Variants in AGBL2 observed in about 807,000 individuals in gnomAD.
AGBL2 encodes AGBL carboxypeptidase 2.
In AGBL2, 87 loss-of-function variants were observed where a neutral mutation model predicts 103.0. That is an observed-to-expected ratio of 0.84 (90% CI 0.71 to 1.01). The LOEUF is 1.01. AGBL2 is among the 50% of genes least tolerant of loss of function. The probability of loss-of-function intolerance (pLI) is 0.00; values close to 1 mark genes in which losing one functional copy is unlikely to be tolerated. For synonymous variants in AGBL2, 335 were observed against 356.7 expected, an observed-to-expected ratio of 0.94 and a Z score of 0.69; for missense variants, 904 against 1,023.5, an observed-to-expected ratio of 0.88 and a Z score of 1.59.
intron 10 of AGBL2, among the ~76,000 whole-genome samples, chr11:47,686,809 A>G (rs1018152258): frequency 6.6e-6 from 1 of 151,786 alleles, no homozygotes; most frequent in Non-Finnish European, 1.5e-5. Context: ...AAAATACAAA[A>G]TTAGCTAGGT....
intron 7 of AGBL2, among the ~76,000 whole-genome samples, chr11:47,701,155 A>T (rs976574840): frequency 8.6e-5 from 13 of 151,964 alleles, no homozygotes; most frequent in Admixed American, 2.6e-4. Flanking sequence ...ACATTTTTTT[A>T]AAAATTGCTT....
chr11:47,674,146 T>G (rs2097366461), intron 14 of AGBL2, among the ~76,000 whole-genome samples: 1 of 151,806 alleles, frequency 6.6e-6, no homozygotes, highest in Admixed American at 6.6e-5. Context: ...TGATACAGAA[T>G]GACAGAGGCA....
At position 47,690,307 on chromosome 11, in the gene AGBL2, T is replaced by C. The variant is rs895653631; in HGVS notation, c.1400A>G (p.Asn467Ser). Residue 467 changes from asparagine (N) to serine (S), a missense_variant, in exon 10 of 19, where the codon AAT becomes AGT. Transcript: ENST00000525123. ...LSARVHPGESNGSWVMKGFLD... is the reference protein window; with the variant it reads ...LSARVHPGESSGSWVMKGFLD... ...AAAGCCTTTCATAACCCAGGAGCCA[T>C]TACTTTCTCCAGGGTGAACTCTGGC... The C allele has an allele frequency of 1.1e-5, 18 of 1,613,708 alleles. No homozygotes were observed. The highest frequency in any genetic ancestry group is 1.5e-5 in the Non-Finnish European group (18 of 1,179,878).
intron 3 of AGBL2, among the ~76,000 whole-genome samples, chr11:47,711,879 C>A (rs1441231990): frequency 6.6e-6 from 1 of 152,086 alleles, no homozygotes; most frequent in Non-Finnish European, 1.5e-5. Context: ...TGTATGATGA[C>A]CAGCCTGAGC....
At chr11:47,696,842 T>A (rs1396206889) in intron 8 of AGBL2, among the ~76,000 whole-genome samples, 1 of 152,164 alleles carries the variant, frequency 6.6e-6, no homozygotes, top group Non-Finnish European at 1.5e-5. Context: ...TGTTTCAATT[T>A]TGTTGATGTT....
Position 47,704,579 on chromosome 11 carries a change from C to G in AGBL2, c.550G>C (p.Glu184Gln). The G allele has an allele frequency of 6.2e-7, 1 of 1,613,532 alleles. No homozygotes were observed. Among genetic ancestry groups the G allele is most frequent in the Non-Finnish European group, 8.5e-7 (1 of 1,179,812 alleles). Reference protein sequence around the residue: ...RPLQAPRWPIECEVIKENIHH... With the variant: ...RPLQAPRWPIQCEVIKENIHH... ...ATGTTTTCCTTGATGACCTCACATT[C>G]AATTGGCCATCTTGGAGCCTGCAGT... The change falls in exon 7 of 19, where the codon GAA becomes CAA. Residue 184 changes from glutamate to glutamine, a missense_variant. Physicochemically the swap from Glu to Gln is conservative, Grantham distance 29. Transcript: ENST00000525123.
Position 47,714,643 on chromosome 11 carries a change from G to C in AGBL2, c.8C>G (p.Pro3Arg). The change falls in exon 2 of 19, where the codon CCA becomes CGA. Residue 3 changes from proline to arginine, a missense_variant. By Grantham distance (103) the Pro-to-Arg change is moderately radical. Transcript: ENST00000525123. Reference sequence around the variant, plus strand: ...CTGCTTTAGGTGCGTTTCCAAAGCTGGGAACATGTTACTTCTGGATGGTAG... The same window carrying C: ...CTGCTTTAGGTGCGTTTCCAAAGCTCGGAACATGTTACTTCTGGATGGTAG... MFPALETHLKQTI... is the reference protein window; with the variant it reads MFRALETHLKQTI... The C allele has an allele frequency of 6.2e-7, 1 of 1,613,856 alleles. No individual in the cohort carries two copies. Among genetic ancestry groups the C allele is most frequent in the Non-Finnish European group, 8.5e-7 (1 of 1,179,990 alleles).
chr11:47,693,128 TTTC>T (rs1367498981), intron 8 of AGBL2, among the ~76,000 whole-genome samples: 1 of 151,872 alleles, frequency 6.6e-6, no homozygotes, highest in Non-Finnish European at 1.5e-5. Flanking sequence ...CAGATACCTG[TTTC>T]TTTCTTTCTT....
chr11:47,660,215 G>A lies in AGBL2; in HGVS notation c.2667C>T (p.Ala889=). ...TGTGCAAGGATGGGTATGCCGCCAT[G>A]GCAGCACAGCCTCTCTTTGTGGCAG... ...RYPATKRGCA[A]MAAYPSLHIY... is the part of the protein sequence containing the mutation. Residue 889 remains alanine, a synonymous_variant, in exon 19 of 19, where the codon GCC becomes GCT. Coordinates refer to ENST00000525123, the MANE Select transcript of AGBL2 (RefSeq NM_024783.4). 6.2e-7 allele frequency: 1 copy of A among 1,614,210 alleles called. No homozygotes were observed. The highest frequency in any genetic ancestry group is 8.5e-7 in the Non-Finnish European group (1 of 1,180,042).
chr11:47,705,200 A>G (rs1279029131), intron 6 of AGBL2: 2 of 153,210 alleles, frequency 1.3e-5, no homozygotes, highest in Admixed American at 1.3e-4. Context: ...GGGCCATAAT[A>G]TAACCATACA....
At position 47,714,606 on chromosome 11, in the gene AGBL2, T is replaced by C. The variant is rs1180318119; in HGVS notation, c.33+12A>G. 3 of 1,613,664 alleles carry C rather than the reference T, an allele frequency of 1.9e-6. No individual in the cohort carries two copies. Among genetic ancestry groups the C allele is most frequent in the Non-Finnish European group, 2.5e-6 (3 of 1,179,876 alleles). On this transcript the variant is annotated intron_variant, in intron 2 of 18. Coordinates refer to ENST00000525123, the MANE Select transcript of AGBL2 (RefSeq NM_024783.4). ...GAAGAAATTTCTGTGGCTTTCCGTG[T>C]TGTGTACCGACCTGCTTTAGGTGCG...
At chr11:47,669,992 G>A (rs1243619000) in intron 14 of AGBL2, among the ~76,000 whole-genome samples, 2 of 152,226 alleles carry the variant, frequency 1.3e-5, no homozygotes, top group South Asian at 2.1e-4. Context: ...CTAGGCACAG[G>A]GAACACAGAT....
At chr11:47,662,312 T>C (rs867015293) in intron 18 of AGBL2, among the ~76,000 whole-genome samples, 4 of 151,384 alleles carry the variant, frequency 2.6e-5, no homozygotes, top group African/African-American at 9.7e-5. Context: ...TAGCTGGGGT[T>C]ATAAGCATGC....
chr11:47,691,539 C>T (rs28506150), intron 9 of AGBL2, among the ~76,000 whole-genome samples: 28 of 146,892 alleles, frequency 1.9e-4, no homozygotes, highest in Admixed American at 7.7e-4. Flanking sequence ...AATCCCGTCT[C>T]TACTAAAAAT....
At chr11:47,704,482 CAAAAAAAA>C (rs571226870) in intron 7 of AGBL2, 53 bp downstream of exon 7, 1 of 933,330 alleles carries the variant, frequency 1.1e-6, no homozygotes, top group Non-Finnish European at 1.4e-6. Context: ...GACTTCGTCT[CAAAAAAAA>C]AAAAAAAAAA....
intron 10 of AGBL2, among the ~76,000 whole-genome samples, chr11:47,686,773 C>T: frequency 6.6e-6 from 1 of 151,568 alleles, no homozygotes; most frequent in East Asian, 1.9e-4. Flanking sequence ...CCAGCCTGAC[C>T]AACCTGGTGA....
intron 17 of AGBL2, among the ~76,000 whole-genome samples, chr11:47,664,876 C>CTT (rs1254676250): frequency 1.5e-5 from 2 of 134,482 alleles, no homozygotes; most frequent in African/African-American, 2.9e-5. Context: ...CACCTCCCAC[C>CTT]TTTTTTTTTT....
chr11:47,698,178 T>A (rs866791696), intron 8 of AGBL2, among the ~76,000 whole-genome samples: 16 of 146,590 alleles, frequency 1.1e-4, no homozygotes, highest in Middle Eastern at 3.4e-3. Context: ...ATTTTTTTTT[T>A]TTTTTTTTTT....
intron 17 of AGBL2, among the ~76,000 whole-genome samples, chr11:47,663,983 T>C (rs1043411612): frequency 6.6e-6 from 1 of 152,058 alleles, no homozygotes; most frequent in African/African-American, 2.4e-5. Flanking sequence ...GACTCCCCAG[T>C]AGCTGGAATT....
Sources: allele counts gnomAD v4.1 joint callset (sites outside exome capture counted in the v4.1 genomes callset), GRCh38; gene constraint gnomAD v4.1.1; transcripts MANE v1.5; gene names NCBI Gene and HGNC (gene_info 2026-07-23, HGNC 2026-07-21).